Variants in ARPP21 observed in about 807,000 individuals in gnomAD.
The protein encoded by ARPP21 is cAMP regulated phosphoprotein 21.
ARPP21 carries 69 observed loss-of-function variants against 113.2 expected under a neutral mutation model. That is an observed-to-expected ratio of 0.61 (90% CI 0.50 to 0.74). ARPP21 has a LOEUF of 0.74. ARPP21 is among the 30% of genes least tolerant of loss of function. The pLI is 0.00. For synonymous variants in ARPP21, 368 were observed against 375.5 expected, an observed-to-expected ratio of 0.98 and a Z score of 0.23; for missense variants, 1,070 against 1,037.4, an observed-to-expected ratio of 1.03 and a Z score of -0.43.
chr3:35,733,561 C>T (rs1178135476), intron 15 of ARPP21, among the ~76,000 whole-genome samples: 3 of 152,146 alleles, frequency 2.0e-5, no homozygotes, highest in African/African-American at 4.8e-5. Context: ...CTTTAGTCTT[C>T]GGCAGCTGTC....
chr3:35,663,582 C>A (rs1708804794), intron 1 of ARPP21, among the ~76,000 whole-genome samples: 1 of 152,146 alleles, frequency 6.6e-6, no homozygotes, highest in South Asian at 2.1e-4. Flanking sequence ...GCACAGCCTC[C>A]CGTGTTGATC....
At chr3:35,683,859 A>G (rs1188724040) in intron 5 of ARPP21, 44 bp downstream of exon 5, 2 of 991,636 alleles carry the variant, frequency 2.0e-6, no homozygotes, top group Admixed American at 1.7e-5. Flanking sequence ...AATGGGATCC[A>G]CCTTTGTGTG....
chr3:35,794,300 A>T lies in ARPP21; in HGVS notation c.*342A>T, dbSNP rs935145955. 1.1e-5 allele frequency: 3 copies of T among 268,506 alleles called. No individual in the cohort carries two copies. The highest frequency in any genetic ancestry group is 4.8e-5 in the Admixed American group (1 of 20,800). 16.6% of individuals were successfully genotyped at this position (268,506 alleles called of 1,614,324 possible). A position where few individuals can be genotyped will look rare whatever the true frequency, so the allele number is the denominator to read the frequency against. On this transcript the variant is annotated 3_prime_UTR_variant, in exon 21 of 21. Transcript: ENST00000684406. ...TGAGTTTGTGATGCTAAAAGTATTT[A>T]AAAATTATATACTAAATCACATTGT...
intron 19 of ARPP21, among the ~76,000 whole-genome samples, chr3:35,745,180 T>C (rs933269083): frequency 6.6e-6 from 1 of 152,186 alleles, no homozygotes; most frequent in Non-Finnish European, 1.5e-5. Context: ...CACTAAAGGG[T>C]TTCAAATAAC....
intron 19 of ARPP21, among the ~76,000 whole-genome samples, chr3:35,765,608 A>G (rs550926260): frequency 6.6e-6 from 1 of 152,286 alleles, no homozygotes; most frequent in Admixed American, 6.5e-5. Flanking sequence ...GGTGACATGT[A>G]AATGTAAATG....
At chr3:35,654,244 AT>A (rs1703770582) in intron 1 of ARPP21, among the ~76,000 whole-genome samples, 1 of 151,886 alleles carries the variant, frequency 6.6e-6, no homozygotes, top group African/African-American at 2.4e-5. Flanking sequence ...TTGCATTTTC[AT>A]TTTTTTTCCT....
chr3:35,739,977 C>A lies in ARPP21; in HGVS notation c.2010+400C>A, dbSNP rs1004139784. Among the ~76,000 whole-genome samples, 9 of 152,318 alleles carry A rather than the reference C, an allele frequency of 5.9e-5. No homozygotes were observed. The East Asian group carries it at 1.5e-3, about 26-fold the overall frequency. On this transcript the variant is annotated intron_variant, in intron 18 of 20. Coordinates refer to ENST00000684406, the MANE Select transcript of ARPP21 (RefSeq NM_001385562.1). ...CTTGCTGCTGCCCCAAAAATGCATT[C>A]TTTCCTTTCTTATCAATTCTCAAGC...
chr3:35,742,776 AT>A (rs1576510134), intron 18 of ARPP21, among the ~76,000 whole-genome samples: 2 of 152,344 alleles, frequency 1.3e-5, no homozygotes, highest in East Asian at 3.9e-4. Context: ...TTGACTTGTA[AT>A]TTTATCCTAT....
chr3:35,648,582 C>A (rs1377099504), intron 1 of ARPP21, among the ~76,000 whole-genome samples: 1 of 152,150 alleles, frequency 6.6e-6, no homozygotes, highest in Non-Finnish European at 1.5e-5. Context: ...GCTGATCTGG[C>A]CTCTGATCCT....
At chr3:35,705,363 A>T (rs2088434404) in intron 9 of ARPP21, among the ~76,000 whole-genome samples, 1 of 152,176 alleles carries the variant, frequency 6.6e-6, no homozygotes, top group East Asian at 1.9e-4. Flanking sequence ...AAACATGTTT[A>T]ATTTCTCTAC....
chr3:35,791,696 T>C (rs1240991159), intron 19 of ARPP21, among the ~76,000 whole-genome samples: 1 of 152,114 alleles, frequency 6.6e-6, no homozygotes, highest in Non-Finnish European at 1.5e-5. Context: ...TATTGTATTC[T>C]TTATTATCTA....
rs766870596 is a variant in ARPP21 at position 35,707,091 on chromosome 3, T to C, written c.795+9T>C. On this transcript the variant is annotated intron_variant, in intron 10 of 20. Coordinates refer to ENST00000684406, the MANE Select transcript of ARPP21 (RefSeq NM_001385562.1). ...ATAAAGAAGACAATCAGGTTGGTTC[T>C]CAAGTTTGAGAGTGGCTGACATTGT... 1.9e-6 allele frequency: 3 copies of C among 1,604,050 alleles called. No homozygotes were observed. In the African/African-American group the frequency reaches 4.0e-5, roughly 21 times the overall value.
intron 1 of ARPP21, among the ~76,000 whole-genome samples, chr3:35,664,468 T>C (rs1709260781): frequency 6.6e-6 from 1 of 152,198 alleles, no homozygotes; most frequent in African/African-American, 2.4e-5. Flanking sequence ...CCCTAGACTC[T>C]GGTAACTGCT....
chr3:35,664,812 A>G (rs1709469102), intron 1 of ARPP21, among the ~76,000 whole-genome samples: 1 of 151,872 alleles, frequency 6.6e-6, no homozygotes, highest in Non-Finnish European at 1.5e-5. Flanking sequence ...TCTGCTGCCA[A>G]CTCCCAGCAG....
chr3:35,748,384 GA>G (rs913404848), intron 19 of ARPP21, among the ~76,000 whole-genome samples: 8 of 123,102 alleles, frequency 6.5e-5, no homozygotes, highest in Non-Finnish European at 1.2e-4. Flanking sequence ...AAGAAAGAAA[GA>G]AAAAGAAAAG....
intron 1 of ARPP21, chr3:35,641,851 A>G (rs1358321793): frequency 6.6e-6 from 1 of 152,218 alleles, no homozygotes; most frequent in African/African-American, 2.4e-5. Flanking sequence ...ATATGGAAAC[A>G]TAATTGATTA....
intron 13 of ARPP21, among the ~76,000 whole-genome samples, chr3:35,720,345 G>A (rs988129590): frequency 4.6e-5 from 7 of 152,148 alleles, no homozygotes; most frequent in Non-Finnish European, 1.0e-4. Flanking sequence ...AAAAGAAAAA[G>A]TTTAGTGAGT....
At chr3:35,784,073 C>T (rs539540495) in intron 19 of ARPP21, among the ~76,000 whole-genome samples, 28 of 152,248 alleles carry the variant, frequency 1.8e-4, no homozygotes, top group Admixed American at 8.5e-4. Flanking sequence ...AGGTGCCTAT[C>T]CAAGTGTACT....
chr3:35,731,161 A>G (rs985278307), intron 15 of ARPP21, among the ~76,000 whole-genome samples: 2 of 152,122 alleles, frequency 1.3e-5, no homozygotes, highest in Non-Finnish European at 2.9e-5. Flanking sequence ...GCAAAATTAC[A>G]GAGTGTTTTG....
Sources: gnomAD v4.1 joint callset for allele counts (sites outside exome capture counted in the v4.1 genomes callset) on GRCh38, gnomAD v4.1.1 for gene constraint, MANE v1.5 for transcripts, NCBI Gene and HGNC (gene_info 2026-07-23, HGNC 2026-07-21) for gene names.